Variants in MRTFB observed in about 807,000 individuals in gnomAD.
The protein encoded by MRTFB is myocardin related transcription factor B.
MRTFB carries 29 observed loss-of-function variants against 104.2 expected under a neutral mutation model. The ratio of observed to expected loss-of-function variants is 0.28; its 90% CI spans 0.21 to 0.38. MRTFB has a LOEUF of 0.38. Among genes scored for constraint, MRTFB ranks in the 10% least tolerant of loss-of-function variants. The pLI is 1.00. For missense variants in MRTFB, 1,270 were observed against 1,341.6 expected (o/e 0.95, Z 0.83); for synonymous variants, 535 against 519.5 (o/e 1.03, Z -0.41).
intron 3 of MRTFB, among the ~76,000 whole-genome samples, chr16:14,165,619 G>A (rs1597129083): frequency 6.6e-6 from 1 of 151,998 alleles, no homozygotes. Flanking sequence ...TGTTCTCTTT[G>A]CCTTCTTGGA....
At chr16:14,247,941 CAG>C (rs2043095867) in intron 12 of MRTFB, 1 of 161,150 alleles carries the variant, frequency 6.2e-6, no homozygotes, top group Non-Finnish European at 1.4e-5. Context: ...TAGGAGTACT[CAG>C]GGAGTTCCCC....
chr16:14,149,085 T>C (rs2038479069), intron 3 of MRTFB, among the ~76,000 whole-genome samples: 1 of 152,212 alleles, frequency 6.6e-6, no homozygotes, highest in Non-Finnish European at 1.5e-5. Flanking sequence ...TCAAAAATAA[T>C]GTGTCTGATT....
At chr16:14,163,586 C>T (rs191934784) in intron 3 of MRTFB, among the ~76,000 whole-genome samples, 1 of 152,218 alleles carries the variant, frequency 6.6e-6, no homozygotes, top group African/African-American at 2.4e-5. Flanking sequence ...AATCCCAGCA[C>T]CTTGGGAGGC....
chr16:14,156,154 T>C (rs1481350961), intron 3 of MRTFB, among the ~76,000 whole-genome samples: 1 of 152,242 alleles, frequency 6.6e-6, no homozygotes. Flanking sequence ...TGCCAATGTG[T>C]GAAAGCAATT....
chr16:14,240,552 A>C (rs376786724), intron 10 of MRTFB, 68 bp downstream of exon 10: 32 of 1,610,410 alleles, frequency 2.0e-5, no homozygotes, highest in Non-Finnish European at 2.7e-5. Flanking sequence ...ACTATAAGTT[A>C]CCAAAAGTTG....
intron 3 of MRTFB, among the ~76,000 whole-genome samples, chr16:14,190,734 A>C (rs2040142128): frequency 6.6e-6 from 1 of 152,232 alleles, no homozygotes; most frequent in East Asian, 1.9e-4. Flanking sequence ...TTTCTTGCTC[A>C]AAACGCAGTC....
intron 6 of MRTFB, among the ~76,000 whole-genome samples, chr16:14,215,347 C>G (rs1219503015): frequency 2.0e-5 from 3 of 152,164 alleles, no homozygotes; most frequent in Non-Finnish European, 2.9e-5. Flanking sequence ...CCACTCCCAA[C>G]TGTATTTTAA....
At chr16:14,149,556 C>T (rs989858927) in intron 3 of MRTFB, 1 of 152,120 alleles carries the variant, frequency 6.6e-6, no homozygotes, top group African/African-American at 2.4e-5. Flanking sequence ...AGGAAAAGTT[C>T]GCTGTATCAG....
chr16:14,145,954 G>A (rs925598597), intron 3 of MRTFB, among the ~76,000 whole-genome samples: 5 of 152,228 alleles, frequency 3.3e-5, no homozygotes, highest in Admixed American at 6.5e-5. Context: ...GGGACCCTGC[G>A]GGAGAAGCTG....
At chr16:14,074,119 T>C (rs915438202) in intron 1 of MRTFB, among the ~76,000 whole-genome samples, 5 of 152,138 alleles carry the variant, frequency 3.3e-5, no homozygotes, top group African/African-American at 1.2e-4. Context: ...TTATTATTAG[T>C]TGCGTGTTAC....
At chr16:14,249,119 T>G in intron 13 of MRTFB, 38 bp downstream of exon 13, 1 of 1,603,202 alleles carries the variant, frequency 6.2e-7, no homozygotes, top group Non-Finnish European at 8.5e-7. Flanking sequence ...TGTCGCTGAT[T>G]TTTACCATCC....
intron 2 of MRTFB, among the ~76,000 whole-genome samples, chr16:14,137,034 T>C (rs2037756003): frequency 6.6e-6 from 1 of 152,212 alleles, no homozygotes; most frequent in Non-Finnish European, 1.5e-5. Flanking sequence ...GTTTTACTTT[T>C]GTAACTAAAT....
At chr16:14,213,953 A>G (rs541951750) in intron 6 of MRTFB, among the ~76,000 whole-genome samples, 8 of 152,348 alleles carry the variant, frequency 5.3e-5, no homozygotes, top group South Asian at 4.1e-4. Flanking sequence ...AAAGAATGCA[A>G]TAGCACAAGT....
At chr16:14,113,615 G>A (rs886745809) in intron 2 of MRTFB, among the ~76,000 whole-genome samples, 3 of 152,096 alleles carry the variant, frequency 2.0e-5, no homozygotes, top group Non-Finnish European at 4.4e-5. Context: ...TGAGTTACTG[G>A]GACATTGGAT....
intron 3 of MRTFB, among the ~76,000 whole-genome samples, chr16:14,160,687 G>GAA (rs60056032): frequency 6.9e-6 from 1 of 145,706 alleles, no homozygotes; most frequent in East Asian, 2.0e-4. Context: ...CTATTCTGAG[G>GAA]AAAAAAAAAA....
chr16:14,197,589 A>C (rs929858348), intron 3 of MRTFB, among the ~76,000 whole-genome samples: 1 of 152,234 alleles, frequency 6.6e-6, no homozygotes, highest in African/African-American at 2.4e-5. Context: ...CTTAGAAAAT[A>C]GCAACTCAGT....
chr16:14,117,039 T>C (rs535989591), intron 2 of MRTFB, among the ~76,000 whole-genome samples: 2 of 152,254 alleles, frequency 1.3e-5, no homozygotes, highest in East Asian at 3.9e-4. Flanking sequence ...CATGTGAGAA[T>C]ATATAGCAAA....
intron 2 of MRTFB, among the ~76,000 whole-genome samples, chr16:14,087,873 A>G (rs957357060): frequency 6.6e-6 from 1 of 152,212 alleles, no homozygotes; most frequent in African/African-American, 2.4e-5. Context: ...AAGGTTGCCA[A>G]TTATTGCACT....
intron 2 of MRTFB, among the ~76,000 whole-genome samples, chr16:14,134,594 A>G (rs570724762): frequency 6.6e-6 from 1 of 152,334 alleles, no homozygotes; most frequent in South Asian, 2.1e-4. Flanking sequence ...TGATTGGTTC[A>G]TCATTGGAAG....
Sources: allele counts gnomAD v4.1 joint callset (sites outside exome capture counted in the v4.1 genomes callset), GRCh38; gene constraint gnomAD v4.1.1; transcripts MANE v1.5; gene names NCBI Gene and HGNC (gene_info 2026-07-23, HGNC 2026-07-21).